TTLL11: variants seen among roughly 807,000 people sequenced by gnomAD.
TTLL11 encodes the protein tubulin tyrosine ligase like 11, also known as tubulin polyglutamylase TTLL11.
In TTLL11, 42 loss-of-function variants were observed where a neutral mutation model predicts 51.7. That is an observed-to-expected ratio of 0.81 (90% CI 0.64 to 1.05). The LOEUF is 1.05. Among genes scored for constraint, TTLL11 ranks in the 50% least tolerant of loss-of-function variants. TTLL11 has a pLI of 0.00. For missense variants in TTLL11, 799 were observed against 940.4 expected (o/e 0.85, Z 1.97); for synonymous variants, 381 against 383.5 (o/e 0.99, Z 0.08).
chr9:122,017,188 T>C (rs1844013431), intron 3 of TTLL11, among the ~76,000 whole-genome samples: 2 of 152,194 alleles, frequency 1.3e-5, no homozygotes, highest in Admixed American at 6.5e-5. Context: ...AGCCCCTGCA[T>C]GCACACACCT....
At chr9:121,932,707 A>C (rs562842635) in intron 6 of TTLL11, among the ~76,000 whole-genome samples, 139 of 152,158 alleles carry the variant, frequency 9.1e-4, no homozygotes, top group Middle Eastern at 3.4e-3. Flanking sequence ...TTTTCAAAGG[A>C]AAATCAAATA....
rs1845356886 is a variant in TTLL11 at position 122,058,601 on chromosome 9, C to T, written c.463-19233G>A. Among the ~76,000 whole-genome samples, 2 of 152,208 alleles carry T rather than the reference C, an allele frequency of 1.3e-5. 1 individual carries two copies. The highest frequency in any genetic ancestry group is 1.3e-4 in the Admixed American group (2 of 15,282). On this transcript the variant is annotated intron_variant, in intron 1 of 8. Transcript: ENST00000321582. Reference sequence around the variant, plus strand: ...TTTCAAAAGGTATCATCAGCAATAACTGCTCAAATATGATGGGAGAGGGGA... The same window carrying T: ...TTTCAAAAGGTATCATCAGCAATAATTGCTCAAATATGATGGGAGAGGGGA...
intron 3 of TTLL11, among the ~76,000 whole-genome samples, chr9:122,018,363 C>T (rs1342570129): frequency 6.6e-6 from 1 of 151,974 alleles, no homozygotes; most frequent in Non-Finnish European, 1.5e-5. Context: ...CTGCCCGCCT[C>T]GGCCTCCCAA....
chr9:121,991,903 A>G (rs1204519772), intron 3 of TTLL11, among the ~76,000 whole-genome samples: 1 of 152,176 alleles, frequency 6.6e-6, no homozygotes, highest in Admixed American at 6.5e-5. Context: ...GGGTCCCACA[A>G]CTGGCTGGCA....
At chr9:121,879,469 G>A (rs1049447817) in intron 6 of TTLL11, among the ~76,000 whole-genome samples, 9 of 152,242 alleles carry the variant, frequency 5.9e-5, no homozygotes, top group African/African-American at 2.4e-5. Context: ...TAATGCGTGA[G>A]AGAGAACTTT....
intron 6 of TTLL11, among the ~76,000 whole-genome samples, chr9:121,970,580 C>T (rs1228592253): frequency 3.3e-5 from 5 of 152,066 alleles, no homozygotes; most frequent in Non-Finnish European, 5.9e-5. Context: ...TTTACGCATC[C>T]AACAAAGATA....
At chr9:121,952,213 G>A (rs573498545) in intron 6 of TTLL11, among the ~76,000 whole-genome samples, 7 of 152,158 alleles carry the variant, frequency 4.6e-5, no homozygotes, top group East Asian at 1.9e-4. Flanking sequence ...TTGGGAGGCC[G>A]AGCTGGGCAG....
chr9:121,887,283 A>G (rs192960263), intron 6 of TTLL11, among the ~76,000 whole-genome samples: 1 of 152,334 alleles, frequency 6.6e-6, no homozygotes, highest in African/African-American at 2.4e-5. Flanking sequence ...CACAGAGCTA[A>G]AAGCAACACT....
chr9:122,029,384 C>T (rs1246310021), intron 3 of TTLL11, among the ~76,000 whole-genome samples: 1 of 152,154 alleles, frequency 6.6e-6, no homozygotes, highest in East Asian at 1.9e-4. Context: ...GTTACTGCTC[C>T]TTGAAGACCT....
At chr9:121,836,524 G>A (rs116629805) in intron 8 of TTLL11, among the ~76,000 whole-genome samples, 186 of 152,210 alleles carry the variant, frequency 1.2e-3, no homozygotes, top group African/African-American at 3.0e-3. Context: ...AACCTCCCCC[G>A]ACACCCCAGT....
chr9:122,073,552 G>T (rs1160982473), intron 1 of TTLL11, among the ~76,000 whole-genome samples: 3 of 152,196 alleles, frequency 2.0e-5, no homozygotes, highest in Admixed American at 1.3e-4. Flanking sequence ...GGGAAGGAAG[G>T]AGCTGGGAAG....
At chr9:121,902,592 G>T (rs547969491) in intron 6 of TTLL11, among the ~76,000 whole-genome samples, 5 of 146,006 alleles carry the variant, frequency 3.4e-5, no homozygotes, top group East Asian at 4.0e-4. Flanking sequence ...CTACCGAGTT[G>T]TTTTTTTTTT....
At chr9:121,892,373 G>A (rs1839276656) in intron 6 of TTLL11, among the ~76,000 whole-genome samples, 1 of 152,020 alleles carries the variant, frequency 6.6e-6, no homozygotes, top group Non-Finnish European at 1.5e-5. Flanking sequence ...TCCACATGGG[G>A]GGGTGCTCAC....
intron 6 of TTLL11, among the ~76,000 whole-genome samples, chr9:121,893,102 G>T (rs536136767): frequency 6.6e-6 from 1 of 152,238 alleles, no homozygotes; most frequent in East Asian, 1.9e-4. Context: ...GCCAACTTAT[G>T]CCTGATACTT....
chr9:121,988,391 G>A lies in TTLL11; in HGVS notation c.1269+804C>T, dbSNP rs116208477. On this transcript the variant is annotated intron_variant, in intron 4 of 8. Coordinates refer to ENST00000321582, the MANE Select transcript of TTLL11 (RefSeq NM_001139442.2). ...AACCAATACCCAGGCTCTCGACACA[G>A]CCCCTACCTTTCTCTCCCACCTCAC... Among the ~76,000 whole-genome samples the A allele has an allele frequency of 6.4e-3, 957 of 149,784 alleles. 10 individuals carry two copies. Among genetic ancestry groups the A allele is most frequent in the African/African-American group, 0.023 (930 of 40,496 alleles).
chr9:121,876,389 A>G (rs1441033200), intron 6 of TTLL11, among the ~76,000 whole-genome samples: 12 of 152,242 alleles, frequency 7.9e-5, no homozygotes, highest in Admixed American at 7.8e-4. Context: ...AACATGTTCC[A>G]AGCACTCACA....
In TTLL11 at chr9:121,991,767, G is replaced by A. The variant is rs577920772; in HGVS notation, c.694-1997C>T. Among the ~76,000 whole-genome samples the A allele has an allele frequency of 1.2e-4, 18 of 152,244 alleles. No individual in the cohort carries two copies. The South Asian group carries it at 2.3e-3, about 19-fold the overall frequency. ...GCCAGAATAGTGCCATACAAATCAA[G>A]ATTATTAATACTCATAGAATCATTG... On this transcript the variant is annotated intron_variant, in intron 3 of 8. Coordinates refer to ENST00000321582, the MANE Select transcript of TTLL11 (RefSeq NM_001139442.2).
intron 3 of TTLL11, among the ~76,000 whole-genome samples, chr9:122,007,627 A>G (rs950038740): frequency 5.9e-5 from 9 of 152,218 alleles, no homozygotes; most frequent in Non-Finnish European, 5.9e-5. Flanking sequence ...GCACACTAAC[A>G]GGCATGCACA....
At chr9:121,893,369 T>TGTGA (rs1293586044) in intron 6 of TTLL11, among the ~76,000 whole-genome samples, 1 of 151,924 alleles carries the variant, frequency 6.6e-6, no homozygotes, top group Non-Finnish European at 1.5e-5. Flanking sequence ...TGTGTGTGTG[T>TGTGA]GAGGGGGGCC....
Sources: allele counts gnomAD v4.1 joint callset (sites outside exome capture counted in the v4.1 genomes callset), GRCh38; gene constraint gnomAD v4.1.1; transcripts MANE v1.5; gene names NCBI Gene and HGNC (gene_info 2026-07-23, HGNC 2026-07-21).